The following EPHA5 variants were observed in gnomAD, a reference collection of about 807,000 sequenced individuals.
EPHA5 encodes the protein ephrin type-A receptor 5.
In EPHA5, 60 loss-of-function variants were observed where a neutral mutation model predicts 105.0. The observed-to-expected ratio is 0.57, with a 90% confidence interval of 0.46 to 0.71. EPHA5 has a LOEUF of 0.71. Among genes scored for constraint, EPHA5 ranks in the 30% least tolerant of loss-of-function variants. EPHA5 has a pLI of 0.00. For missense variants in EPHA5, 1,218 were observed against 1,274.7 expected (o/e 0.96, Z 0.68); for synonymous variants, 513 against 449.1 (o/e 1.14, Z -1.80).
intron 2 of EPHA5, among the ~76,000 whole-genome samples, chr4:65,632,726 C>T (rs1165250551): frequency 2.6e-5 from 4 of 151,716 alleles, no homozygotes; most frequent in African/African-American, 4.8e-5. Flanking sequence ...TTCACACAAT[C>T]GATAACACTA....
At chr4:65,333,487 C>G (rs1167970449) in intron 15 of EPHA5, among the ~76,000 whole-genome samples, 2 of 150,578 alleles carry the variant, frequency 1.3e-5, no homozygotes. Flanking sequence ...CTTACTCTGT[C>G]TGAACATTGT....
intron 14 of EPHA5, among the ~76,000 whole-genome samples, chr4:65,342,102 A>G (rs536936281): frequency 8.5e-5 from 13 of 152,246 alleles, no homozygotes; most frequent in African/African-American, 3.1e-4. Flanking sequence ...CTTTATAATC[A>G]TTGAAACTGA....
At chr4:65,389,676 C>G (rs77205080) in intron 8 of EPHA5, among the ~76,000 whole-genome samples, 21,157 of 151,872 alleles carry the variant, frequency 0.14, 1,811 homozygotes, top group East Asian at 0.23. Flanking sequence ...CAGGAAAAAT[C>G]AAGGGGAATA....
intron 5 of EPHA5, among the ~76,000 whole-genome samples, chr4:65,425,417 T>C (rs539127567): frequency 6.6e-6 from 1 of 152,128 alleles, no homozygotes; most frequent in Non-Finnish European, 1.5e-5. Flanking sequence ...ATGAAGCATG[T>C]CTAGGCCACT....
At position 65,324,033 on chromosome 4, in the gene EPHA5, C is replaced by T; in HGVS notation, c.*81G>A. 2 of 914,912 alleles carry T rather than the reference C, an allele frequency of 2.2e-6. No homozygotes were observed. The highest frequency in any genetic ancestry group is 3.4e-6 in the Non-Finnish European group (2 of 580,480). 56.7% of individuals were successfully genotyped at this position (914,912 alleles called of 1,614,324 possible). On this transcript the variant is annotated 3_prime_UTR_variant, in exon 17 of 17. Coordinates refer to ENST00000613740, the MANE Select transcript of EPHA5 (RefSeq NM_001281766.3). ...TAGAAATCACTGTTTTCCCTTTTCC[C>T]CCTTTTTTTGTTAAAATAAATCTCA...
chr4:65,470,963 C>G (rs1252079704), intron 5 of EPHA5, among the ~76,000 whole-genome samples: 1 of 152,188 alleles, frequency 6.6e-6, no homozygotes, highest in Non-Finnish European at 1.5e-5. Flanking sequence ...CAGCCATACA[C>G]TGCTGTATTC....
intron 15 of EPHA5, among the ~76,000 whole-genome samples, chr4:65,334,053 G>A (rs539412561): frequency 3.3e-5 from 5 of 151,714 alleles, no homozygotes; most frequent in South Asian, 4.2e-4. Flanking sequence ...ATCATGTCTC[G>A]CCTGCACAAT....
intron 16 of EPHA5, chr4:65,331,735 T>C (rs1457666486): frequency 8.3e-7 from 1 of 1,207,630 alleles, no homozygotes; most frequent in African/African-American, 1.6e-5. Flanking sequence ...GGAGCTGTTA[T>C]TCCAATTATT....
chr4:65,345,074 T>A (rs1722086474), intron 14 of EPHA5, among the ~76,000 whole-genome samples: 1 of 152,136 alleles, frequency 6.6e-6, no homozygotes, highest in Non-Finnish European at 1.5e-5. Flanking sequence ...AATAATAGCA[T>A]CCCTCTGACA....
At chr4:65,510,344 G>A (rs751162056) in intron 3 of EPHA5, among the ~76,000 whole-genome samples, 1 of 151,602 alleles carries the variant, frequency 6.6e-6, no homozygotes, top group Non-Finnish European at 1.5e-5. Flanking sequence ...TACGCTCGGT[G>A]GATACATACT....
intron 13 of EPHA5, 87 bp downstream of exon 13, chr4:65,351,302 G>T: frequency 8.4e-7 from 1 of 1,192,356 alleles, no homozygotes; most frequent in South Asian, 1.6e-5. Flanking sequence ...TTTGTTGCAG[G>T]AATGCTCTTT....
At chr4:65,653,383 C>A (rs1489832205) in intron 1 of EPHA5, among the ~76,000 whole-genome samples, 2 of 151,962 alleles carry the variant, frequency 1.3e-5, no homozygotes, top group East Asian at 3.9e-4. Context: ...ATTTTTAAAT[C>A]TTTGGTTAAT....
chr4:65,478,673 TGCTGGCCAGGCTG>T (rs1730064813), intron 5 of EPHA5, among the ~76,000 whole-genome samples: 1 of 152,128 alleles, frequency 6.6e-6, no homozygotes, highest in South Asian at 2.1e-4. Context: ...GGTTCCGCCA[TGCTGGCCAGGCTG>T]GTCTCAAACT....
rs944277172 is a variant in EPHA5 at position 65,367,364 on chromosome 4, A to G, written c.1854T>C (p.Asn618=). 6.2e-7 allele frequency: 1 copy of G among 1,611,266 alleles called. No homozygotes were observed. Among genetic ancestry groups the G allele is most frequent in the Non-Finnish European group, 8.5e-7 (1 of 1,179,020 alleles). Residue 618 remains asparagine (N), a synonymous_variant, in exon 9 of 17, where the codon AAT becomes AAC. Transcript: ENST00000613740. ...DPEEEKMHFH[N]GHIKLPGVRT... Reference sequence around the variant, plus strand: ...TTTTTACAATTTGCTTACTGTGCCCATTATGAAAATGCATCTTTTCCTCTT... The same window carrying G: ...TTTTTACAATTTGCTTACTGTGCCCGTTATGAAAATGCATCTTTTCCTCTT...
chr4:65,603,780 C>T (rs148004249), intron 2 of EPHA5, among the ~76,000 whole-genome samples: 1,768 of 152,184 alleles, frequency 0.012, 35 homozygotes, highest in African/African-American at 0.04. Flanking sequence ...CACTAAATCT[C>T]ATTTTTGTCC....
rs556000628 is a variant in EPHA5 at position 65,504,172 on chromosome 4, A to G, written c.911-8629T>C. Reference sequence around the variant, plus strand: ...TATCACATAGTATCAATGATTAATTATAATACTAATTTCCTTCCCATAATT... The same window carrying G: ...TATCACATAGTATCAATGATTAATTGTAATACTAATTTCCTTCCCATAATT... On this transcript the variant is annotated intron_variant, in intron 3 of 16. Transcript: ENST00000613740. Among the ~76,000 whole-genome samples, 223 of 151,476 alleles carry G rather than the reference A, an allele frequency of 1.5e-3. 2 individuals carry two copies. Among genetic ancestry groups the G allele is most frequent in the Non-Finnish European group, 2.6e-3 (179 of 67,700 alleles).
chr4:65,607,491 CAAA>C (rs71933682), intron 2 of EPHA5, among the ~76,000 whole-genome samples: 11 of 151,596 alleles, frequency 7.3e-5, no homozygotes, highest in African/African-American at 2.4e-4. Context: ...AACAAACAAA[CAAA>C]AAAAAAAACA....
intron 3 of EPHA5, among the ~76,000 whole-genome samples, chr4:65,551,723 T>G (rs1022070857): frequency 1.3e-5 from 2 of 152,156 alleles, no homozygotes; most frequent in Non-Finnish European, 2.9e-5. Flanking sequence ...ACTAAATATC[T>G]AAAGTAGACT....
chr4:65,348,253 T>A (rs2148843665), intron 13 of EPHA5, 50 bp from the exon 14 acceptor site: 1 of 1,542,266 alleles, frequency 6.5e-7, no homozygotes, highest in South Asian at 1.2e-5. Flanking sequence ...CAAATGTGCC[T>A]AGGGACAGTG....
Sources: allele counts gnomAD v4.1 joint callset (sites outside exome capture counted in the v4.1 genomes callset), GRCh38; gene constraint gnomAD v4.1.1; transcripts MANE v1.5; gene names NCBI Gene and HGNC (gene_info 2026-07-23, HGNC 2026-07-21).